The following CACNA1H variants were observed in gnomAD, a reference collection of about 807,000 sequenced individuals.
The protein encoded by CACNA1H is calcium voltage-gated channel subunit alpha1 H.
CACNA1H carries 149 observed loss-of-function variants against 192.5 expected under a neutral mutation model. The ratio of observed to expected loss-of-function variants is 0.77; its 90% confidence interval spans 0.68 to 0.89. The LOEUF (loss-of-function observed/expected upper bound fraction) is 0.89, where lower values mean the gene tolerates loss of function less well. Ranked by LOEUF, CACNA1H falls within the 40% of genes least tolerant of loss-of-function variation. The pLI is 0.00. For missense variants in CACNA1H, 4,257 were observed against 3,423.5 expected, an observed-to-expected ratio of 1.24 and a Z score of -6.08; for synonymous variants, 2,202 against 1,475.2, an observed-to-expected ratio of 1.49 and a Z score of -11.29.
chr16:1,209,839 C>T (rs1030727365), intron 17 of CACNA1H, among the ~76,000 whole-genome samples, 196 bp from the exon 18 acceptor site: 3 of 152,188 alleles, frequency 2.0e-5, no homozygotes, highest in Non-Finnish European at 2.9e-5. Context: ...CCGTCACCAG[C>T]GTAGGGAAGG....
At chr16:1,201,284 C>T (rs1008089344) in intron 8 of CACNA1H, among the ~76,000 whole-genome samples, 15 of 152,066 alleles carry the variant, frequency 9.9e-5, no homozygotes, top group African/African-American at 2.7e-4. Flanking sequence ...GCGAAGCGAA[C>T]GATTAGAGAC....
intron 2 of CACNA1H, among the ~76,000 whole-genome samples, chr16:1,187,722 C>T (rs1023406140): frequency 6.6e-6 from 1 of 152,214 alleles, no homozygotes; most frequent in Non-Finnish European, 1.5e-5. Flanking sequence ...AGAGGAGGAG[C>T]CAGGCAGCAG....
Position 1,220,772 on chromosome 16 carries a change from T to C in CACNA1H, c.6840T>C (p.Pro2280=). The C allele has an allele frequency of 2.5e-6, 4 of 1,612,534 alleles. No homozygotes were observed. Among genetic ancestry groups the C allele is most frequent in the Non-Finnish European group, 2.5e-6 (3 of 1,179,726 alleles). Residue 2280 remains proline (P), a synonymous_variant, in exon 35 of 35, where the codon CCT becomes CCC. Transcript: ENST00000348261. ...PLDLGVPSGD[P]FLDGSHSVTP... ...ACCTCGGGGTCCCCAGTGGAGACCC[T>C]TTCTTGGACGGTAGCCACAGTGTGA...
At chr16:1,198,005 C>T (rs533049622) in intron 5 of CACNA1H, among the ~76,000 whole-genome samples, 5 of 152,300 alleles carry the variant, frequency 3.3e-5, no homozygotes, top group African/African-American at 1.2e-4. Flanking sequence ...CTCCCCACCG[C>T]CTCCAGCAGC....
intron 1 of CACNA1H, 90 bp from the exon 2 acceptor site, chr16:1,153,630 G>T (rs1279413252): frequency 3.7e-6 from 3 of 803,428 alleles, no homozygotes; most frequent in Non-Finnish European, 4.9e-6. Context: ...AAGACATCCC[G>T]GCGGCCGCGG....
intron 2 of CACNA1H, among the ~76,000 whole-genome samples, chr16:1,155,451 G>A (rs1962210927): frequency 6.6e-6 from 1 of 152,218 alleles, no homozygotes; most frequent in South Asian, 2.1e-4. Context: ...GAGGTGACTG[G>A]GTGTGGGGTT....
intron 2 of CACNA1H, among the ~76,000 whole-genome samples, chr16:1,155,558 T>G (rs1419344440): frequency 6.6e-6 from 1 of 152,176 alleles, no homozygotes; most frequent in Non-Finnish European, 1.5e-5. Flanking sequence ...GCGTTCCTTG[T>G]TTCCCAACGT....
chr16:1,172,579 T>A (rs950618532), intron 2 of CACNA1H, among the ~76,000 whole-genome samples: 41 of 152,278 alleles, frequency 2.7e-4, no homozygotes, highest in African/African-American at 7.7e-4. Context: ...TAGTCTGCAC[T>A]CCACACCGCT....
intron 31 of CACNA1H, among the ~76,000 whole-genome samples, chr16:1,217,586 TCCA>T (rs1381493901): frequency 6.6e-6 from 1 of 152,182 alleles, no homozygotes; most frequent in Non-Finnish European, 1.5e-5. Context: ...CCAGTGTCTG[TCCA>T]CCAGGTAAGC....
At chr16:1,205,071 C>G (rs752126733) in intron 10 of CACNA1H, 43 bp from the exon 11 acceptor site, 33 of 1,558,910 alleles carry the variant, frequency 2.1e-5, no homozygotes, top group Middle Eastern at 1.7e-4. Flanking sequence ...GGGGTGGGAG[C>G]CGCGGGTGCG....
chr16:1,154,200 C>T (rs988622480), intron 2 of CACNA1H, among the ~76,000 whole-genome samples, 164 bp downstream of exon 2: 1 of 151,358 alleles, frequency 6.6e-6, no homozygotes, highest in Admixed American at 6.6e-5. Flanking sequence ...GGACCGCGCT[C>T]TAATTTCTGA....
chr16:1,217,044 A>G (rs967239779), intron 31 of CACNA1H, 34 bp downstream of exon 31: 4 of 1,543,940 alleles, frequency 2.6e-6, no homozygotes, highest in African/African-American at 2.7e-5. Flanking sequence ...CCTGGCACAC[A>G]TGGGGTCCTG....
At chr16:1,218,709 G>GGGGGC in intron 33 of CACNA1H, 58 bp downstream of exon 33, 1 of 1,433,172 alleles carries the variant, frequency 7.0e-7, no homozygotes, top group South Asian at 1.4e-5. Flanking sequence ...GGAGGAAGAT[G>GGGGGC]GGGGCAGGTG....
intron 2 of CACNA1H, among the ~76,000 whole-genome samples, chr16:1,166,004 C>T (rs758730936): frequency 1.3e-5 from 2 of 152,220 alleles, no homozygotes; most frequent in Non-Finnish European, 2.9e-5. Flanking sequence ...GGTCCCTTCT[C>T]GGTCCTCCTC....
intron 9 of CACNA1H, among the ~76,000 whole-genome samples, 171 bp downstream of exon 9, chr16:1,202,623 G>C (rs1019144548): frequency 6.6e-6 from 1 of 152,134 alleles, no homozygotes; most frequent in Non-Finnish European, 1.5e-5. Flanking sequence ...AAAGAGGCAG[G>C]TCCCGCCCCT....
rs1970450806 is a variant in CACNA1H at position 1,221,089 on chromosome 16, G to A, written c.*95G>A. Reference sequence around the variant, plus strand: ...CAGAACCCTGCATGGACCCTGACTTGGGTCCCGTCGTGAGCAGAAAGGCCC... The same window carrying A: ...CAGAACCCTGCATGGACCCTGACTTAGGTCCCGTCGTGAGCAGAAAGGCCC... On this transcript the variant is annotated 3_prime_UTR_variant, in exon 35 of 35. Transcript: ENST00000348261. 1 of 981,850 alleles carries A rather than the reference G, an allele frequency of 1.0e-6. No homozygotes were observed. The highest frequency in any genetic ancestry group is 2.9e-5 in the Admixed American group (1 of 34,362). 60.8% of individuals were successfully genotyped at this position (981,850 alleles called of 1,614,324 possible). A position where few individuals can be genotyped will look rare whatever the true frequency, so the allele number is the denominator to read the frequency against.
chr16:1,218,106 C>T (rs563345231), intron 32 of CACNA1H, 66 bp downstream of exon 32: 29 of 1,554,352 alleles, frequency 1.9e-5, no homozygotes, highest in South Asian at 7.1e-5. Context: ...CTCCCAGGAA[C>T]GGGTCGGATC....
intron 2 of CACNA1H, among the ~76,000 whole-genome samples, chr16:1,166,817 T>C (rs1259707846): frequency 6.6e-6 from 1 of 152,156 alleles, no homozygotes; most frequent in African/African-American, 2.4e-5. Flanking sequence ...GGTGTTTATC[T>C]CTTCACCGCT....
rs1440667520 is a variant in CACNA1H, at chr16:1,194,990, C to T, written c.318C>T (p.Ser106=). The part of the protein sequence containing the change: ...LVCNPWFEHV[S]MLVIMLNCVT... ...GCGACACATGGTTCGAGCACGTGAGCATGCTGGTAATCATGCTCAACTGCG... is the reference window on the plus strand; with the variant it reads ...GCGACACATGGTTCGAGCACGTGAGTATGCTGGTAATCATGCTCAACTGCG... The change falls in exon 3 of 35, where the codon AGC becomes AGT. Residue 106 remains serine (S), a synonymous_variant. Coordinates refer to ENST00000348261, the MANE Select transcript of CACNA1H (RefSeq NM_021098.3). 1.9e-6 allele frequency: 3 copies of T among 1,612,086 alleles called. No homozygotes were observed. The highest frequency in any genetic ancestry group is 1.7e-5 in the Admixed American group (1 of 60,014).
Sources: gnomAD v4.1 joint callset for allele counts (sites outside exome capture counted in the v4.1 genomes callset) on GRCh38, gnomAD v4.1.1 for gene constraint, MANE v1.5 for transcripts, NCBI Gene and HGNC (gene_info 2026-07-23, HGNC 2026-07-21) for gene names.